NRCAM: variants seen among roughly 807,000 people sequenced by gnomAD.
NRCAM encodes the protein neuronal cell adhesion molecule.
A neutral mutation model predicts 156.5 loss-of-function variants in NRCAM; 83 were observed. The observed-to-expected ratio is 0.53, with a 90% CI of 0.44 to 0.64. NRCAM has a LOEUF of 0.64. Ranked by LOEUF, NRCAM falls within the 30% of genes least tolerant of loss-of-function variation. NRCAM has a pLI of 0.00. For synonymous variants in NRCAM, 538 were observed against 563.9 expected, an observed-to-expected ratio of 0.95 and a Z score of 0.65; for missense variants, 1,417 against 1,597.3, an observed-to-expected ratio of 0.89 and a Z score of 1.92.
intron 28 of NRCAM, among the ~76,000 whole-genome samples, chr7:108,172,603 A>T (rs1336784134): frequency 6.6e-6 from 1 of 152,136 alleles, no homozygotes; most frequent in African/African-American, 2.4e-5. Context: ...GCCTCATTTA[A>T]AGAGACATAG....
intron 3 of NRCAM, among the ~76,000 whole-genome samples, chr7:108,249,900 A>G (rs1198570592): frequency 1.3e-5 from 2 of 152,232 alleles, no homozygotes; most frequent in Non-Finnish European, 2.9e-5. Context: ...GTCAATTCAA[A>G]GAGCACTTTA....
intron 1 of NRCAM, among the ~76,000 whole-genome samples, chr7:108,410,254 G>A (rs2154410488): frequency 6.6e-6 from 1 of 152,248 alleles, no homozygotes; most frequent in East Asian, 1.9e-4. Flanking sequence ...TATAATTCTA[G>A]TCACTATGAC....
chr7:108,339,945 G>T (rs2099256725), intron 2 of NRCAM, among the ~76,000 whole-genome samples: 1 of 152,170 alleles, frequency 6.6e-6, no homozygotes, highest in South Asian at 2.1e-4. Flanking sequence ...CTTCAAGGGG[G>T]AGAAACCTGG....
In NRCAM at chr7:108,360,027, T is replaced by A. The variant is rs576567856; in HGVS notation, c.-174+39409A>T. Among the ~76,000 whole-genome samples the A allele has an allele frequency of 3.9e-5, 6 of 152,352 alleles. No homozygotes were observed. In the South Asian group the frequency reaches 8.3e-4, roughly 21 times the overall value. On this transcript the variant is annotated intron_variant, in intron 2 of 32. Coordinates refer to ENST00000379028, the MANE Select transcript of NRCAM (RefSeq NM_001037132.4). ...TTTTTAGATTCATCCATGTTCCAGA[T>A]GTTTTAAGCAGGAAAAATAATATGA...
intron 2 of NRCAM, among the ~76,000 whole-genome samples, chr7:108,318,949 T>C (rs2098966580): frequency 6.6e-6 from 1 of 152,196 alleles, no homozygotes. Context: ...GGAAGAAAGA[T>C]TCTAAGGCAA....
At chr7:108,260,078 G>C (rs1312433390) in intron 3 of NRCAM, among the ~76,000 whole-genome samples, 1 of 147,144 alleles carries the variant, frequency 6.8e-6, no homozygotes, top group African/African-American at 2.5e-5. Context: ...CCATGAGGAA[G>C]AGTGCCTGAT....
chr7:108,234,843 T>C, intron 5 of NRCAM, 155 bp from the exon 6 acceptor site: 1 of 764,992 alleles, frequency 1.3e-6, no homozygotes, highest in Non-Finnish European at 2.4e-6. Context: ...TCAGTAGATT[T>C]TTCTGCTAAA....
In NRCAM at chr7:108,294,861, T is replaced by C. The variant is rs180769309; in HGVS notation, c.-107+17804A>G. 4.7e-3 allele frequency among the ~76,000 whole-genome samples: 709 copies of C among 152,362 alleles called. 4 individuals carry two copies. Among genetic ancestry groups the C allele is most frequent in the Non-Finnish European group, 7.8e-3 (531 of 68,036 alleles). On this transcript the variant is annotated intron_variant, in intron 3 of 32. Coordinates refer to ENST00000379028, the MANE Select transcript of NRCAM (RefSeq NM_001037132.4). ...CTTCCTGCCCCGCAGCCATCTCTGG[T>C]GCCAAGTTGTCTGCCCCATTCTTGT...
At chr7:108,435,381 A>C (rs1319400667) in intron 1 of NRCAM, among the ~76,000 whole-genome samples, 1 of 152,224 alleles carries the variant, frequency 6.6e-6, no homozygotes, top group Non-Finnish European at 1.5e-5. Context: ...AAAAGTTTTA[A>C]GAAAAATAAG....
chr7:108,455,671 G>T (rs1856352919), intron 1 of NRCAM, among the ~76,000 whole-genome samples: 1 of 152,176 alleles, frequency 6.6e-6, no homozygotes, highest in South Asian at 2.1e-4. Context: ...CCCGAACTCC[G>T]TGGTCAGCAC....
intron 11 of NRCAM, among the ~76,000 whole-genome samples, chr7:108,219,296 A>G (rs557142969): frequency 6.6e-6 from 1 of 152,194 alleles, no homozygotes; most frequent in Non-Finnish European, 1.5e-5. Flanking sequence ...AATTGGTACC[A>G]ATCCTTTTGA....
At chr7:108,410,372 A>ATGTTGTTTTGTTTTGTTTT (rs1793924637) in intron 1 of NRCAM, among the ~76,000 whole-genome samples, 1 of 152,222 alleles carries the variant, frequency 6.6e-6, no homozygotes, top group South Asian at 2.1e-4. Flanking sequence ...TTTCATAGAA[A>ATGTTGTTTTGTTTTGTTTT]GACTAGGGGA....
intron 1 of NRCAM, 116 bp downstream of exon 1, chr7:108,456,127 A>T (rs1458951320): frequency 6.6e-6 from 1 of 152,390 alleles, no homozygotes; most frequent in Non-Finnish European, 1.5e-5. Flanking sequence ...CGCTCGGCTG[A>T]ACCCCGCGGC....
At chr7:108,237,221 C>T (rs1287137364) in intron 5 of NRCAM, among the ~76,000 whole-genome samples, 1 of 152,158 alleles carries the variant, frequency 6.6e-6, no homozygotes, top group Non-Finnish European at 1.5e-5. Context: ...TGAGTGGGAG[C>T]TGCTTATCTT....
intron 11 of NRCAM, among the ~76,000 whole-genome samples, chr7:108,211,243 TG>T (rs2153598713): frequency 6.6e-6 from 1 of 152,280 alleles, no homozygotes; most frequent in East Asian, 1.9e-4. Context: ...GGGAGCTCGC[TG>T]GGTCCCCAAG....
chr7:108,307,550 TAA>T (rs1328644877), intron 3 of NRCAM, among the ~76,000 whole-genome samples: 1 of 152,182 alleles, frequency 6.6e-6, no homozygotes, highest in Non-Finnish European at 1.5e-5. Flanking sequence ...ACAGACCAGC[TAA>T]GTTTGACAAT....
rs576153014 is a variant in NRCAM, at chr7:108,178,030, C to G, written c.2934G>C (p.Pro978=). The change falls in exon 26 of 33, where the codon CCG becomes CCC. Residue 978 remains proline (P), a synonymous_variant. Transcript: ENST00000379028. ...AGGTGTACTCTGTCAAAATGCCATT[C>G]GGGTGGCTCGGTGGATCCCATTCCA... ...LTLEWDPPSH[P]NGILTEYTLK... is the part of the protein sequence containing the mutation. 1 of 1,613,516 alleles carries G rather than the reference C, an allele frequency of 6.2e-7. No homozygotes were observed. Among genetic ancestry groups the G allele is most frequent in the Non-Finnish European group, 8.5e-7 (1 of 1,179,604 alleles).
intron 2 of NRCAM, among the ~76,000 whole-genome samples, chr7:108,361,735 AATT>A (rs2099552631): frequency 6.6e-6 from 1 of 152,276 alleles, no homozygotes; most frequent in South Asian, 2.1e-4. Context: ...CAGTCTCCAC[AATT>A]GAGTGAGCCA....
intron 2 of NRCAM, among the ~76,000 whole-genome samples, chr7:108,346,355 G>GT (rs1346901905): frequency 6.6e-6 from 1 of 152,124 alleles, no homozygotes; most frequent in Non-Finnish European, 1.5e-5. Flanking sequence ...TCCCAACACA[G>GT]TATGCTTTTT....
Sources: gnomAD v4.1 joint callset for allele counts (sites outside exome capture counted in the v4.1 genomes callset) on GRCh38, gnomAD v4.1.1 for gene constraint, MANE v1.5 for transcripts, NCBI Gene and HGNC (gene_info 2026-07-23, HGNC 2026-07-21) for gene names.